Variants in CCDC171 observed in about 807,000 individuals in gnomAD.
The protein encoded by CCDC171 is coiled-coil domain containing 171, also known as coiled-coil domain-containing protein 171.
In CCDC171, 177 loss-of-function variants were observed where a neutral mutation model predicts 168.2. The observed-to-expected ratio is 1.05, with a 90% CI of 0.93 to 1.19. The LOEUF is 1.19. Ranked by LOEUF, CCDC171 falls within the 50% of genes most tolerant of loss-of-function variation. CCDC171 has a pLI of 0.00. For missense variants in CCDC171, 1,991 were observed against 1,539.0 expected (o/e 1.29, Z -4.91); for synonymous variants, 687 against 540.8 (o/e 1.27, Z -3.75).
chr9:15,593,844 C>G (rs1185387296), intron 5 of CCDC171, among the ~76,000 whole-genome samples, 197 bp from the exon 6 acceptor site: 1 of 151,790 alleles, frequency 6.6e-6, no homozygotes, highest in Non-Finnish European at 1.5e-5. Context: ...AAGGTATAAT[C>G]TGTTGTTTAA....
chr9:15,677,812 C>A (rs1473176684), intron 9 of CCDC171, among the ~76,000 whole-genome samples: 1 of 136,194 alleles, frequency 7.3e-6, no homozygotes, highest in Non-Finnish European at 1.6e-5. Context: ...TATATACACA[C>A]ACACACGCGC....
chr9:15,684,382 G>T (rs1034632407), intron 10 of CCDC171, among the ~76,000 whole-genome samples: 2 of 151,100 alleles, frequency 1.3e-5, no homozygotes, highest in Non-Finnish European at 3.0e-5. Flanking sequence ...AAACCTGTTT[G>T]TTTTTTCTAT....
chr9:15,616,241 C>T (rs2044074422), intron 6 of CCDC171, among the ~76,000 whole-genome samples: 1 of 151,836 alleles, frequency 6.6e-6, no homozygotes, highest in Non-Finnish European at 1.5e-5. Flanking sequence ...TGTGAGCCAC[C>T]ACGCCCAGCC....
the CCDC171 span, among the ~76,000 whole-genome samples, chr9:16,095,409 T>C: frequency 3.3e-5 from 5 of 152,176 alleles, no homozygotes; most frequent in African/African-American, 7.2e-5. Context: ...CCTATTCTTT[T>C]AGAACTTCCC....
Position 15,563,994 on chromosome 9 carries a change from C to T in CCDC171, c.-95C>T, listed in dbSNP as rs563180642. On this transcript the variant is annotated 5_prime_UTR_variant, in exon 2 of 26. It adds an upstream start codon to the 5' untranslated region. Transcript: ENST00000380701. ...TTTTAACAGACCTCAAATCATCTAA[C>T]GTGAAGCCACAGACATCTTGGGCAA... 8.1e-5 allele frequency: 73 copies of T among 898,556 alleles called. No individual in the cohort carries two copies. Among genetic ancestry groups the T allele is most frequent in the African/African-American group, 7.0e-4 (42 of 59,956 alleles). The allele number at this position is 898,556 out of a possible 1,614,324, so 55.7% of individuals were successfully genotyped here.
intron 3 of CCDC171, among the ~76,000 whole-genome samples, chr9:15,991,623 A>T (rs1832203129): frequency 6.6e-6 from 1 of 152,232 alleles, no homozygotes; most frequent in Non-Finnish European, 1.5e-5. Flanking sequence ...TCCCTTCAAA[A>T]AATCAATGAA....
chr9:16,049,381 G>A (rs1833715378), intron 1 of CCDC171, among the ~76,000 whole-genome samples: 1 of 152,202 alleles, frequency 6.6e-6, no homozygotes, highest in African/African-American at 2.4e-5. Flanking sequence ...TGTCTGTGAG[G>A]ATGTTTCCAG....
chr9:16,090,223 T>C, the CCDC171 span, among the ~76,000 whole-genome samples: 11 of 152,146 alleles, frequency 7.2e-5, no homozygotes, highest in Non-Finnish European at 8.8e-5. Flanking sequence ...ATATACACCA[T>C]GGAATATGAA....
chr9:15,569,557 T>C (rs552256020), intron 2 of CCDC171, among the ~76,000 whole-genome samples: 2 of 152,138 alleles, frequency 1.3e-5, no homozygotes, highest in African/African-American at 4.8e-5. Flanking sequence ...GGCTCGCGCC[T>C]GTAATCCCAG....
At position 15,973,840 on chromosome 9, in the gene CCDC171, A is replaced by C. The variant is rs1016174690; in HGVS notation, c.*2004A>C. 2.0e-5 allele frequency: 3 copies of C among 152,260 alleles called. No homozygotes were observed. Among genetic ancestry groups the C allele is most frequent in the African/African-American group, 7.2e-5 (3 of 41,554 alleles). 9.4% of individuals were successfully genotyped at this position (152,260 alleles called of 1,614,324 possible). A position where few individuals can be genotyped will look rare whatever the true frequency, so the allele number is the denominator to read the frequency against. On this transcript the variant is annotated 3_prime_UTR_variant, in exon 26 of 26. Transcript: ENST00000380701. ...TTACAATTCTCACTAGAGAAGAACA[A>C]GGTTACTATATGTAACCTCTATGTC...
chr9:15,794,739 T>C (rs2058464081), intron 21 of CCDC171, among the ~76,000 whole-genome samples: 1 of 152,226 alleles, frequency 6.6e-6, no homozygotes, highest in Non-Finnish European at 1.5e-5. Context: ...AAATATTTCC[T>C]ATCAGAAGTT....
chr9:16,046,206 C>T (rs1364255079), intron 1 of CCDC171, among the ~76,000 whole-genome samples: 2 of 152,126 alleles, frequency 1.3e-5, no homozygotes, highest in Non-Finnish European at 2.9e-5. Context: ...GGAATATTTT[C>T]AGGAGGCTCC....
At chr9:15,669,365 TTATGGGG>T (rs2048949134) in intron 9 of CCDC171, among the ~76,000 whole-genome samples, 1 of 152,208 alleles carries the variant, frequency 6.6e-6, no homozygotes, top group Admixed American at 6.5e-5. Flanking sequence ...TTGTACATAT[TTATGGGG>T]TATGTGTGAT....
intron 6 of CCDC171, among the ~76,000 whole-genome samples, chr9:15,619,179 T>C (rs561559336): frequency 1.3e-5 from 2 of 152,236 alleles, no homozygotes; most frequent in Non-Finnish European, 2.9e-5. Flanking sequence ...AACTCTACAG[T>C]GTCCTCTAAG....
At chr9:15,963,064 C>G (rs1451017510) in intron 25 of CCDC171, among the ~76,000 whole-genome samples, 1 of 151,954 alleles carries the variant, frequency 6.6e-6, no homozygotes, top group Non-Finnish European at 1.5e-5. Context: ...TCATAGACCT[C>G]TGGTTTTATT....
At chr9:15,916,480 C>A (rs1824538137) in intron 24 of CCDC171, among the ~76,000 whole-genome samples, 2 of 151,850 alleles carry the variant, frequency 1.3e-5, no homozygotes, top group African/African-American at 4.8e-5. Context: ...GAGTTTTTTG[C>A]TTTCCAATTA....
intron 25 of CCDC171, among the ~76,000 whole-genome samples, chr9:15,939,563 A>T (rs1827489133): frequency 6.6e-6 from 1 of 151,890 alleles, no homozygotes; most frequent in African/African-American, 2.4e-5. Flanking sequence ...GTAGTTATTT[A>T]TTAGAAGCAG....
chr9:15,841,317 T>A (rs1374101987), intron 21 of CCDC171, among the ~76,000 whole-genome samples: 1 of 152,098 alleles, frequency 6.6e-6, no homozygotes, highest in Non-Finnish European at 1.5e-5. Context: ...TCATAAGTTG[T>A]CATATATAGG....
At chr9:15,789,685 T>C (rs919868763) in intron 21 of CCDC171, among the ~76,000 whole-genome samples, 3 of 152,170 alleles carry the variant, frequency 2.0e-5, no homozygotes, top group Non-Finnish European at 4.4e-5. Flanking sequence ...ATGTGCCATG[T>C]TGATGTGCTG....
Sources: allele counts gnomAD v4.1 joint callset (sites outside exome capture counted in the v4.1 genomes callset), GRCh38; gene constraint gnomAD v4.1.1; transcripts MANE v1.5; gene names NCBI Gene and HGNC (gene_info 2026-07-23, HGNC 2026-07-21).